GABRB1: variants seen among roughly 807,000 people sequenced by gnomAD.
GABRB1 encodes gamma-aminobutyric acid receptor subunit beta-1.
A neutral mutation model predicts 51.6 loss-of-function variants in GABRB1; 17 were observed. The observed-to-expected ratio is 0.33, with a 90% confidence interval of 0.23 to 0.49. GABRB1 has a LOEUF of 0.49. GABRB1 is among the 20% of genes least tolerant of loss of function. The probability of loss-of-function intolerance (pLI) is 0.99; values close to 1 mark genes in which losing one functional copy is unlikely to be tolerated. For synonymous variants in GABRB1, 247 were observed against 218.9 expected, an observed-to-expected ratio of 1.13 and a Z score of -1.14; for missense variants, 410 against 600.6, an observed-to-expected ratio of 0.68 and a Z score of 3.32.
chr4:47,266,836 G>A (rs1722659685), intron 4 of GABRB1, among the ~76,000 whole-genome samples: 2 of 152,030 alleles, frequency 1.3e-5, no homozygotes, highest in Admixed American at 6.6e-5. Flanking sequence ...TTTCTTTGCT[G>A]ATTTTCTGTC....
chr4:47,305,178 A>G (rs1388891198), intron 4 of GABRB1, among the ~76,000 whole-genome samples: 1 of 152,120 alleles, frequency 6.6e-6, no homozygotes, highest in Non-Finnish European at 1.5e-5. Context: ...CTCTCAAGCC[A>G]CAGGGTGTCT....
chr4:47,397,962 G>A (rs1337338308), intron 5 of GABRB1, among the ~76,000 whole-genome samples: 2 of 152,042 alleles, frequency 1.3e-5, no homozygotes, highest in East Asian at 3.9e-4. Context: ...AAATCCTGTT[G>A]GCATTATGAG....
At position 47,209,248 on chromosome 4, in the gene GABRB1, C is replaced by T. The variant is rs1003975644; in HGVS notation, c.461+47779C>T. On this transcript the variant is annotated intron_variant, in intron 4 of 8. Transcript: ENST00000295454. Reference sequence around the variant, plus strand: ...TCAGATCACAGACAGGGCTGACCACCGTCACTGAGCCTTGACAGCATTCAT... The same window carrying T: ...TCAGATCACAGACAGGGCTGACCACTGTCACTGAGCCTTGACAGCATTCAT... Among the ~76,000 whole-genome samples the T allele has an allele frequency of 5.9e-5, 9 of 152,054 alleles. 1 individual carries two copies. In the South Asian group the frequency reaches 1.9e-3, roughly 32 times the overall value.
intron 4 of GABRB1, among the ~76,000 whole-genome samples, chr4:47,196,638 T>C (rs1328268115): frequency 6.6e-6 from 1 of 152,156 alleles, no homozygotes; most frequent in African/African-American, 2.4e-5. Flanking sequence ...AAAGGTGTGA[T>C]GGTGTATAAG....
chr4:47,096,831 A>C (rs1409822908), intron 3 of GABRB1, among the ~76,000 whole-genome samples: 1 of 152,190 alleles, frequency 6.6e-6, no homozygotes, highest in Non-Finnish European at 1.5e-5. Context: ...ACTAGAGACT[A>C]CAAAAGGCAA....
At chr4:47,158,857 A>G (rs1218288662) in intron 3 of GABRB1, among the ~76,000 whole-genome samples, 1 of 152,134 alleles carries the variant, frequency 6.6e-6, no homozygotes, top group Non-Finnish European at 1.5e-5. Context: ...ACTAATGTGT[A>G]CATAGCAATT....
chr4:47,016,174 T>C (rs75411249), intron 1 of GABRB1, among the ~76,000 whole-genome samples: 2,217 of 152,250 alleles, frequency 0.015, 24 homozygotes, highest in Middle Eastern at 0.041. Context: ...ATAGAAATAA[T>C]GTAGGTTAGA....
intron 3 of GABRB1, among the ~76,000 whole-genome samples, chr4:47,074,940 A>G (rs949779131): frequency 1.3e-5 from 2 of 152,206 alleles, no homozygotes; most frequent in Non-Finnish European, 2.9e-5. Flanking sequence ...AATATCTGTT[A>G]CTGAAATGGA....
At chr4:47,092,965 T>C (rs139171789) in intron 3 of GABRB1, among the ~76,000 whole-genome samples, 6 of 152,332 alleles carry the variant, frequency 3.9e-5, no homozygotes, top group East Asian at 1.9e-4. Flanking sequence ...CATTGCTGTG[T>C]TATTTCAAAT....
intron 4 of GABRB1, among the ~76,000 whole-genome samples, chr4:47,318,036 G>A (rs1724951730): frequency 6.6e-6 from 1 of 151,898 alleles, no homozygotes; most frequent in Non-Finnish European, 1.5e-5. Context: ...TGATATCCCA[G>A]TAAAGCTATT....
intron 1 of GABRB1, among the ~76,000 whole-genome samples, chr4:46,995,563 C>T (rs1288744060): frequency 6.6e-6 from 1 of 152,032 alleles, no homozygotes. Flanking sequence ...GGGGGCTCTG[C>T]GATGTCACCA....
At chr4:47,063,930 A>G (rs1726946834) in intron 3 of GABRB1, among the ~76,000 whole-genome samples, 1 of 152,190 alleles carries the variant, frequency 6.6e-6, no homozygotes, top group South Asian at 2.1e-4. Context: ...GAGCTAATGC[A>G]TGCTGGGCTT....
intron 4 of GABRB1, among the ~76,000 whole-genome samples, chr4:47,188,197 A>G (rs965266743): frequency 6.6e-6 from 1 of 152,014 alleles, no homozygotes; most frequent in Non-Finnish European, 1.5e-5. Flanking sequence ...ATAAATACGT[A>G]TGGTACAAAA....
Position 47,273,372 on chromosome 4 carries a change from A to G in GABRB1, c.462-46755A>G, listed in dbSNP as rs556998372. Among the ~76,000 whole-genome samples, 3 of 152,298 alleles carry G rather than the reference A, an allele frequency of 2.0e-5. No individual in the cohort carries two copies. The South Asian group carries it at 6.2e-4, about 32-fold the overall frequency. Reference sequence around the variant, plus strand: ...TTTGTTCTTAAGCTTGGAGTCAGACATTTCTCTGGGTAGTTTATTTCCTGC... The same window carrying G: ...TTTGTTCTTAAGCTTGGAGTCAGACGTTTCTCTGGGTAGTTTATTTCCTGC... On this transcript the variant is annotated intron_variant, in intron 4 of 8. Coordinates refer to ENST00000295454, the MANE Select transcript of GABRB1 (RefSeq NM_000812.4).
In GABRB1 at chr4:47,334,433, T is replaced by C. The variant is rs138673970; in HGVS notation, c.544+14224T>C. Among the ~76,000 whole-genome samples the C allele has an allele frequency of 2.7e-3, 404 of 152,242 alleles. 2 individuals carry two copies. The highest frequency in any genetic ancestry group is 9.4e-3 in the African/African-American group (390 of 41,558). On this transcript the variant is annotated intron_variant, in intron 5 of 8. Transcript: ENST00000295454. ...ATAAACTGAGGCAGAAAAGTCTTTT[T>C]CAAATTACCTGAAATACATACACCT...
At chr4:47,134,154 T>C (rs910522791) in intron 3 of GABRB1, among the ~76,000 whole-genome samples, 1 of 152,186 alleles carries the variant, frequency 6.6e-6, no homozygotes, top group Non-Finnish European at 1.5e-5. Context: ...TTTAGTAATT[T>C]AGGATATTGC....
intron 3 of GABRB1, among the ~76,000 whole-genome samples, chr4:47,071,523 C>T (rs968244272): frequency 6.6e-6 from 1 of 152,138 alleles, no homozygotes; most frequent in African/African-American, 2.4e-5. Flanking sequence ...CACACACCTC[C>T]AACCAACCCC....
intron 3 of GABRB1, among the ~76,000 whole-genome samples, chr4:47,056,792 C>A (rs141689580): frequency 6.6e-6 from 1 of 152,068 alleles, no homozygotes; most frequent in African/African-American, 2.4e-5. Flanking sequence ...AGAAAGAGAT[C>A]GTTATTGAGA....
At chr4:47,098,875 G>A (rs140756753) in intron 3 of GABRB1, among the ~76,000 whole-genome samples, 4 of 152,038 alleles carry the variant, frequency 2.6e-5, no homozygotes, top group African/African-American at 9.6e-5. Flanking sequence ...GTGGCTGTTC[G>A]TATATTTTCA....
Sources: allele counts gnomAD v4.1 joint callset (sites outside exome capture counted in the v4.1 genomes callset), GRCh38; gene constraint gnomAD v4.1.1; transcripts MANE v1.5; gene names NCBI Gene and HGNC (gene_info 2026-07-23, HGNC 2026-07-21).